Variants in OPA3 observed in about 807,000 individuals in gnomAD.
OPA3 encodes outer mitochondrial membrane lipid metabolism regulator OPA3.
A neutral mutation model predicts 4.0 loss-of-function variants in OPA3; 6 were observed. The ratio of observed to expected loss-of-function variants is 1.51; its 90% CI spans 0.83 to 2.99. OPA3 has a LOEUF of 2.99. Among genes scored for constraint, OPA3 ranks in the 30% most tolerant of loss-of-function variants. The probability of loss-of-function intolerance (pLI) is 0.00; values close to 1 mark genes in which losing one functional copy is unlikely to be tolerated. For synonymous variants in OPA3, 105 were observed against 117.1 expected, an observed-to-expected ratio of 0.90 and a Z score of 0.67; for missense variants, 235 against 256.2, an observed-to-expected ratio of 0.92 and a Z score of 0.56.
At chr19:45,538,670 C>A (rs1969149291) in intron 1 of OPA3, among the ~76,000 whole-genome samples, 1 of 150,798 alleles carries the variant, frequency 6.6e-6, no homozygotes. Context: ...TTGCAGTGAG[C>A]CAAAATTGTG....
intron 1 of OPA3, among the ~76,000 whole-genome samples, chr19:45,529,643 C>T (rs1350951466): frequency 1.3e-5 from 2 of 152,248 alleles, no homozygotes; most frequent in Non-Finnish European, 1.5e-5. Context: ...GGGAAAACTT[C>T]CTTAACTAAT....
At chr19:45,531,116 C>T (rs563078727) in intron 1 of OPA3, among the ~76,000 whole-genome samples, 93 of 151,628 alleles carry the variant, frequency 6.1e-4, no homozygotes, top group Middle Eastern at 6.8e-3. Flanking sequence ...TTATTGGTAA[C>T]CTATGTAATT....
At position 45,548,383 on chromosome 19, in the gene OPA3, G is replaced by C; in HGVS notation, c.*5131C>G. On this transcript the variant is annotated 3_prime_UTR_variant, in exon 2 of 2. Transcript: ENST00000263275. ...GCAGGGCCTGCCAGGAGATGGGAGGGGCACAGCCCTCAGGGCACCTCCCAG... is the reference window on the plus strand; with the variant it reads ...GCAGGGCCTGCCAGGAGATGGGAGGCGCACAGCCCTCAGGGCACCTCCCAG... 1 of 985,576 alleles carries C rather than the reference G, an allele frequency of 1.0e-6. No individual in the cohort carries two copies. The highest frequency in any genetic ancestry group is 1.2e-6 in the Non-Finnish European group (1 of 830,034). 61.1% of individuals were successfully genotyped at this position (985,576 alleles called of 1,614,324 possible).
At chr19:45,537,408 A>C (rs1250758704) in intron 1 of OPA3, among the ~76,000 whole-genome samples, 7 of 143,558 alleles carry the variant, frequency 4.9e-5, no homozygotes, top group Non-Finnish European at 1.0e-4. Flanking sequence ...AAAAAAAAAA[A>C]AAAAAAAAAA....
intron 1 of OPA3, among the ~76,000 whole-genome samples, chr19:45,570,010 G>C (rs567410636): frequency 2.0e-5 from 3 of 152,292 alleles, no homozygotes; most frequent in East Asian, 3.9e-4. Flanking sequence ...AACTAATACA[G>C]AGATACACCG....
intron 1 of OPA3, among the ~76,000 whole-genome samples, chr19:45,537,407 A>AAAAAAAAAAAAAAAAAAAAAAAC (rs1568396389): frequency 8.0e-6 from 1 of 125,486 alleles, no homozygotes; most frequent in Non-Finnish European, 1.7e-5. Context: ...AAAAAAAAAA[A>AAAAAAAAAAAAAAAAAAAAAAAC]AAAAAAAAAA....
chr19:45,555,492 A>T (rs973250004), intron 1 of OPA3, among the ~76,000 whole-genome samples: 5 of 95,820 alleles, frequency 5.2e-5, no homozygotes, highest in Non-Finnish European at 1.0e-4. Context: ...TGCCTGGCTA[A>T]TATTTTTTTT....
chr19:45,572,509 C>CGAG (rs1465385605), intron 1 of OPA3, among the ~76,000 whole-genome samples: 19 of 121,602 alleles, frequency 1.6e-4, no homozygotes, highest in Non-Finnish European at 2.8e-4. Flanking sequence ...AGATATATAT[C>CGAG]ATATATGAGA....
chr19:45,572,791 A>ATATATATCTCGATATATATC (rs1969705576), intron 1 of OPA3, among the ~76,000 whole-genome samples: 3 of 80,198 alleles, frequency 3.7e-5, no homozygotes, highest in Non-Finnish European at 1.0e-4. Context: ...CTATATATAG[A>ATATATATCTCGATATATATC]TATATATATC....
chr19:45,545,799 G>A (rs572868543), downstream of OPA3, among the ~76,000 whole-genome samples: 15 of 144,922 alleles, frequency 1.0e-4, no homozygotes, highest in African/African-American at 3.3e-4. Context: ...TGCAACCTCC[G>A]TCTCCTGGGT....
At chr19:45,573,040 A>C (rs924619429) in intron 1 of OPA3, among the ~76,000 whole-genome samples, 4 of 151,912 alleles carry the variant, frequency 2.6e-5, no homozygotes, top group African/African-American at 7.3e-5. Flanking sequence ...CCCCAAGCCC[A>C]CATGAGGGAC....
chr19:45,530,286 A>C (rs1449161244), intron 1 of OPA3, among the ~76,000 whole-genome samples: 2 of 152,108 alleles, frequency 1.3e-5, no homozygotes, highest in Non-Finnish European at 2.9e-5. Flanking sequence ...ACAGGGAGGC[A>C]GAGGCTGCAG....
intron 1 of OPA3, among the ~76,000 whole-genome samples, chr19:45,530,536 G>C (rs1032370585): frequency 5.3e-5 from 8 of 151,730 alleles, no homozygotes; most frequent in Admixed American, 1.3e-4. Flanking sequence ...TTGAGACGGG[G>C]TCTTGCTCTG....
chr19:45,528,943 C>T (rs528516281), exon 2 of OPA3: 2 of 1,309,812 alleles, frequency 1.5e-6, no homozygotes, highest in African/African-American at 1.5e-5. Context: ...CCCCGAAGGA[C>T]TGGGTGGTGT....
intron 1 of OPA3, among the ~76,000 whole-genome samples, chr19:45,563,153 G>A (rs1969529877): frequency 6.6e-6 from 1 of 151,920 alleles, no homozygotes; most frequent in Non-Finnish European, 1.5e-5. Context: ...CATAGTGTAT[G>A]ATAACAATTT....
Position 45,548,859 on chromosome 19 carries a change from A to C in OPA3, c.*4655T>G, listed in dbSNP as rs1045398391. On this transcript the variant is annotated 3_prime_UTR_variant, in exon 2 of 2. Coordinates refer to ENST00000263275, the MANE Select transcript of OPA3 (RefSeq NM_025136.4). The stretch of plus-strand genomic sequence containing the variant: ...CGCTCTGTCACCCAGGCTGGAGTAT[A>C]ATGGCATGATCTCGGCTCACTGCAA... 7.1e-6 allele frequency: 4 copies of C among 564,030 alleles called. No individual in the cohort carries two copies. The highest frequency in any genetic ancestry group is 9.0e-6 in the Non-Finnish European group (4 of 445,854). 34.9% of individuals were successfully genotyped at this position (564,030 alleles called of 1,614,324 possible).
At chr19:45,577,123 A>C (rs1174434482) in intron 1 of OPA3, among the ~76,000 whole-genome samples, 1 of 152,220 alleles carries the variant, frequency 6.6e-6, no homozygotes, top group Non-Finnish European at 1.5e-5. Flanking sequence ...TTTTGGGTTA[A>C]AATAATTTAA....
intron 1 of OPA3, among the ~76,000 whole-genome samples, chr19:45,577,049 G>C (rs953614090): frequency 6.6e-6 from 1 of 152,176 alleles, no homozygotes; most frequent in Non-Finnish European, 1.5e-5. Flanking sequence ...GCCTCCCTGG[G>C]AGCACCAAAA....
At position 45,529,343 on chromosome 19, in the gene OPA3, C is replaced by A. The variant is rs780614894; in HGVS notation, c.256G>T (p.Glu86Ter). 6 of 1,614,196 alleles carry A rather than the reference C, an allele frequency of 3.7e-6. No homozygotes were observed. The South Asian group carries it at 6.6e-5, about 18-fold the overall frequency. Residue 86 changes from glutamate to a stop codon, truncating the protein, a stop_gained, in exon 2 of 2, where the codon GAG becomes TAG. Transcript: ENST00000323060. LOFTEE classifies it low-confidence loss of function (END_TRUNC). ...CAGGCGGTGATGAAGATGATGCCCT[C>A]GCCCAGCAGCTCCGCGCCCAGCTCG...
Sources: gnomAD v4.1 joint callset for allele counts (sites outside exome capture counted in the v4.1 genomes callset) on GRCh38, gnomAD v4.1.1 for gene constraint, MANE v1.5 for transcripts, NCBI Gene and HGNC (gene_info 2026-07-23, HGNC 2026-07-21) for gene names.